The following RBFOX1 variants were observed in gnomAD, a reference collection of about 807,000 sequenced individuals.
RBFOX1 encodes the protein RNA binding protein fox-1 homolog 1.
RBFOX1 carries 8 observed loss-of-function variants against 57.7 expected under a neutral mutation model. The observed-to-expected ratio is 0.14, with a 90% CI of 0.08 to 0.25. The LOEUF (loss-of-function observed/expected upper bound fraction) is 0.25. RBFOX1 is among the 10% of genes least tolerant of loss of function. RBFOX1 has a pLI of 1.00. For missense variants in RBFOX1, 611 were observed against 548.5 expected (o/e 1.11, Z -1.14); for synonymous variants, 326 against 222.4 (o/e 1.47, Z -4.15).
At chr16:5,333,010 A>T (rs965899888) in intron 1 of RBFOX1, among the ~76,000 whole-genome samples, 1 of 152,012 alleles carries the variant, frequency 6.6e-6, no homozygotes, top group Non-Finnish European at 1.5e-5. Flanking sequence ...ATGTGGTGAA[A>T]CCCTGTCTCT....
At chr16:6,340,322 C>G (rs373322651) in intron 2 of RBFOX1, among the ~76,000 whole-genome samples, 1 of 151,930 alleles carries the variant, frequency 6.6e-6, no homozygotes, top group Admixed American at 6.6e-5. Flanking sequence ...CTGGTGTTAC[C>G]GAAAATGGGT....
intron 4 of RBFOX1, among the ~76,000 whole-genome samples, chr16:7,206,700 A>G (rs1301251981): frequency 6.6e-6 from 1 of 152,080 alleles, no homozygotes; most frequent in African/African-American, 2.4e-5. Context: ...CAGAGTGAGG[A>G]TTTACGAAGT....
At chr16:5,889,768 T>C (rs1490280810) in intron 4 of RBFOX1, among the ~76,000 whole-genome samples, 5 of 152,198 alleles carry the variant, frequency 3.3e-5, no homozygotes, top group Admixed American at 3.3e-4. Context: ...GAGGAACTAA[T>C]GTTTTGATCA....
intron 4 of RBFOX1, among the ~76,000 whole-genome samples, chr16:5,933,555 C>A (rs1314807302): frequency 2.0e-5 from 3 of 152,170 alleles, no homozygotes; most frequent in African/African-American, 7.2e-5. Context: ...TAGGAACAAT[C>A]ACACAGAAAA....
intron 3 of RBFOX1, among the ~76,000 whole-genome samples, chr16:6,700,612 C>T (rs113673978): frequency 2.6e-5 from 4 of 152,084 alleles, no homozygotes; most frequent in Non-Finnish European, 5.9e-5. Flanking sequence ...GAGCTGAGAT[C>T]GCACCACTGC....
At chr16:5,606,056 T>C (rs1472392078) in intron 3 of RBFOX1, among the ~76,000 whole-genome samples, 1 of 152,194 alleles carries the variant, frequency 6.6e-6, no homozygotes, top group African/African-American at 2.4e-5. Context: ...TAGCAGAGGT[T>C]GCCCGTGGCA....
chr16:6,484,805 G>C (rs377007013), intron 2 of RBFOX1, among the ~76,000 whole-genome samples: 1 of 152,184 alleles, frequency 6.6e-6, no homozygotes, highest in Non-Finnish European at 1.5e-5. Context: ...TTTGCTAAAA[G>C]AGTCACTTTC....
At chr16:6,925,948 A>G (rs1285762245) in intron 3 of RBFOX1, among the ~76,000 whole-genome samples, 2 of 152,086 alleles carry the variant, frequency 1.3e-5, no homozygotes, top group Non-Finnish European at 2.9e-5. Flanking sequence ...TAGTAACCTA[A>G]ACTCATCGTT....
intron 4 of RBFOX1, among the ~76,000 whole-genome samples, chr16:7,053,811 A>G (rs2050939100): frequency 6.6e-6 from 1 of 152,174 alleles, no homozygotes; most frequent in South Asian, 2.1e-4. Flanking sequence ...CCCCATCTCT[A>G]ACATCACGAA....
chr16:5,406,586 CTCTCTA>C (rs1489172667), intron 1 of RBFOX1, among the ~76,000 whole-genome samples: 1 of 152,068 alleles, frequency 6.6e-6, no homozygotes, highest in Non-Finnish European at 1.5e-5. Flanking sequence ...TTCTCTCTCT[CTCTCTA>C]TATATATGTA....
At chr16:5,881,892 A>G (rs1365889848) in intron 4 of RBFOX1, among the ~76,000 whole-genome samples, 1 of 152,238 alleles carries the variant, frequency 6.6e-6, no homozygotes, top group African/African-American at 2.4e-5. Flanking sequence ...CATTTAAGGT[A>G]CTAAAATAAT....
chr16:5,608,575 C>T (rs555622349), intron 3 of RBFOX1, among the ~76,000 whole-genome samples: 1 of 152,302 alleles, frequency 6.6e-6, no homozygotes, highest in Non-Finnish European at 1.5e-5. Context: ...TATGAGGATT[C>T]AACGAGTTAA....
intron 5 of RBFOX1, among the ~76,000 whole-genome samples, chr16:7,549,387 A>C (rs548274568): frequency 2.6e-4 from 39 of 152,358 alleles, no homozygotes; most frequent in Non-Finnish European, 4.9e-4. Flanking sequence ...AGAGGAAGCC[A>C]CTAGAAAGTT....
At chr16:6,375,810 T>C in intron 2 of RBFOX1, among the ~76,000 whole-genome samples, 1 of 152,104 alleles carries the variant, frequency 6.6e-6, no homozygotes, top group Admixed American at 6.5e-5. Context: ...AACAGGCATT[T>C]CCCTATCCCT....
chr16:5,842,438 C>A (rs946702242), intron 3 of RBFOX1, among the ~76,000 whole-genome samples: 19 of 152,144 alleles, frequency 1.2e-4, no homozygotes, highest in African/African-American at 4.6e-4. Flanking sequence ...GCCTTAGTTC[C>A]CTCATTCATT....
intron 2 of RBFOX1, among the ~76,000 whole-genome samples, chr16:6,446,064 A>G (rs2094479327): frequency 6.6e-6 from 1 of 152,150 alleles, no homozygotes; most frequent in African/African-American, 2.4e-5. Flanking sequence ...TTCTGGGCTC[A>G]AGCAATCCTC....
At chr16:6,083,421 A>G (rs1001787403) in intron 1 of RBFOX1, among the ~76,000 whole-genome samples, 7 of 152,086 alleles carry the variant, frequency 4.6e-5, no homozygotes, top group African/African-American at 1.7e-4. Flanking sequence ...GTTGAAGTTT[A>G]TTTCTTTCAA....
intron 3 of RBFOX1, among the ~76,000 whole-genome samples, chr16:5,855,976 CT>C (rs1160702604): frequency 0.038 from 2,919 of 77,700 alleles, 91 homozygotes; most frequent in African/African-American, 0.12. Flanking sequence ...GTATGTTATT[CT>C]TTTTTTTTTT....
At chr16:5,672,555 T>A (rs901307062) in intron 3 of RBFOX1, among the ~76,000 whole-genome samples, 1 of 152,060 alleles carries the variant, frequency 6.6e-6, no homozygotes, top group African/African-American at 2.4e-5. Context: ...TGCGCCACGT[T>A]CTCTGTAAGA....
Sources: allele counts gnomAD v4.1 joint callset (sites outside exome capture counted in the v4.1 genomes callset), GRCh38; gene constraint gnomAD v4.1.1; transcripts MANE v1.5; gene names NCBI Gene and HGNC (gene_info 2026-07-23, HGNC 2026-07-21).